The following MACO1 variants were observed in gnomAD, a reference collection of about 807,000 sequenced individuals.
MACO1 encodes the protein macoilin.
Under a neutral mutation model 78.7 loss-of-function variants are expected in MACO1, and 14 were observed. That is an observed-to-expected ratio of 0.18 (90% CI 0.12 to 0.28). The LOEUF is 0.28. MACO1 is among the 10% of genes least tolerant of loss of function. The pLI is 1.00. For missense variants in MACO1, 501 were observed against 799.0 expected (o/e 0.63, Z 4.50); for synonymous variants, 288 against 291.6 (o/e 0.99, Z 0.12).
chr1:25,450,054 A>C (rs2043051615), intron 3 of MACO1, among the ~76,000 whole-genome samples: 1 of 152,174 alleles, frequency 6.6e-6, no homozygotes, highest in South Asian at 2.1e-4. Flanking sequence ...AAATAAAAAA[A>C]ATATTAAGGG....
At chr1:25,437,136 CTTT>C (rs35287453) in intron 1 of MACO1, among the ~76,000 whole-genome samples, 26 of 136,584 alleles carry the variant, frequency 1.9e-4, no homozygotes, top group East Asian at 2.1e-4. Context: ...CTTCAAAACA[CTTT>C]TTTTTTTTTT....
chr1:25,494,341 A>G (rs1384601590), intron 10 of MACO1, among the ~76,000 whole-genome samples: 1 of 152,152 alleles, frequency 6.6e-6, no homozygotes, highest in Non-Finnish European at 1.5e-5. Flanking sequence ...GAATTTCAAG[A>G]GCAGAGAATG....
chr1:25,459,244 T>C (rs2043150590), intron 6 of MACO1, among the ~76,000 whole-genome samples: 1 of 151,578 alleles, frequency 6.6e-6, no homozygotes, highest in African/African-American at 2.4e-5. Context: ...AGTTTGTGCT[T>C]GTTCACGCAA....
chr1:25,441,432 G>T (rs1383447233), intron 1 of MACO1, among the ~76,000 whole-genome samples: 3 of 152,210 alleles, frequency 2.0e-5, no homozygotes, highest in Admixed American at 6.5e-5. Flanking sequence ...TCATCCACCC[G>T]CCTCAGCCTC....
Position 25,498,539 on chromosome 1 carries a change from G to A in MACO1, c.*73G>A. On this transcript the variant is annotated 3_prime_UTR_variant, in exon 11 of 11. Coordinates refer to ENST00000374343, the MANE Select transcript of MACO1 (RefSeq NM_018202.6). Reference sequence around the variant, plus strand: ...GCAAAGGAGCGTCTCTGGCAGTCAAGATAAAAAAACAGTTTCTATTGTATT... The same window carrying A: ...GCAAAGGAGCGTCTCTGGCAGTCAAAATAAAAAAACAGTTTCTATTGTATT... 2 of 1,381,352 alleles carry A rather than the reference G, an allele frequency of 1.4e-6. No homozygotes were observed. Among genetic ancestry groups the A allele is most frequent in the Non-Finnish European group, 2.0e-6 (2 of 1,012,542 alleles). The allele number at this position is 1,381,352 out of a possible 1,614,324, so 85.6% of individuals were successfully genotyped here.
intron 3 of MACO1, among the ~76,000 whole-genome samples, chr1:25,450,018 C>CA (rs2043051137): frequency 6.6e-6 from 1 of 152,122 alleles, no homozygotes; most frequent in Admixed American, 6.5e-5. Flanking sequence ...GACTCCATCT[C>CA]AAAAAACACA....
At chr1:25,474,375 C>G (rs890031591) in intron 6 of MACO1, among the ~76,000 whole-genome samples, 5 of 152,248 alleles carry the variant, frequency 3.3e-5, no homozygotes, top group Admixed American at 2.0e-4. Flanking sequence ...CTCTAGCCCT[C>G]TGGCCCCACC....
chr1:25,474,129 T>C (rs2043298947), intron 6 of MACO1, among the ~76,000 whole-genome samples: 1 of 152,148 alleles, frequency 6.6e-6, no homozygotes, highest in Non-Finnish European at 1.5e-5. Flanking sequence ...GCATAAACCC[T>C]TCCAAAGGGG....
chr1:25,481,564 T>G (rs920294044), intron 6 of MACO1, among the ~76,000 whole-genome samples: 1 of 152,330 alleles, frequency 6.6e-6, no homozygotes, highest in Middle Eastern at 3.4e-3. Context: ...GAAATCAGCT[T>G]CTGAAGAAAG....
In MACO1 at chr1:25,448,921, C is replaced by T. The variant is rs376605330; in HGVS notation, c.336C>T (p.Tyr112=). The change falls in exon 3 of 11, where the codon TAC becomes TAT. Residue 112 remains tyrosine (Y), a synonymous_variant. Coordinates refer to ENST00000374343, the MANE Select transcript of MACO1 (RefSeq NM_018202.6). ...FAASTYVWVQ[Y]VWHTERGVCL... is the part of the protein sequence containing the mutation. ...CTAGCACATATGTATGGGTTCAGTA[C>T]GTATGGCACACAGGTAAGTCTTAAT... 13 of 1,476,282 alleles carry T rather than the reference C, an allele frequency of 8.8e-6. No individual in the cohort carries two copies. The highest frequency in any genetic ancestry group is 2.3e-5 in the East Asian group (1 of 42,920). The allele number at this position is 1,476,282 out of a possible 1,614,324, so 91.4% of individuals were successfully genotyped here.
At chr1:25,495,560 G>C (rs1351025573) in intron 10 of MACO1, among the ~76,000 whole-genome samples, 2 of 152,136 alleles carry the variant, frequency 1.3e-5, no homozygotes, top group Non-Finnish European at 2.9e-5. Flanking sequence ...CCTCCCTACA[G>C]GGTTGTGCTC....
intron 5 of MACO1, among the ~76,000 whole-genome samples, chr1:25,457,878 T>C (rs989070805): frequency 2.0e-5 from 3 of 152,250 alleles, no homozygotes; most frequent in Non-Finnish European, 4.4e-5. Context: ...GACTTCCTTA[T>C]TACCTCAACA....
Position 25,430,971 on chromosome 1 carries a change from T to A in MACO1, c.-128T>A. On this transcript the variant is annotated 5_prime_UTR_variant, in exon 1 of 11. Transcript: ENST00000374343. ...CGTGCTACCCCCTCCCCCCGGGTGC[T>A]GGCTCCATGTCTGTGTGACCGGCCT... The A allele has an allele frequency of 3.7e-6, 1 of 271,388 alleles. No individual in the cohort carries two copies. The allele number at this position is 271,388 out of a possible 1,614,324, so 16.8% of individuals were successfully genotyped here.
intron 6 of MACO1, among the ~76,000 whole-genome samples, 174 bp from the exon 7 acceptor site, chr1:25,483,942 G>GAATC (rs1251549932): frequency 6.6e-6 from 1 of 152,162 alleles, no homozygotes; most frequent in Non-Finnish European, 1.5e-5. Context: ...GACCCAGGTG[G>GAATC]AATCATTCAA....
At chr1:25,442,041 G>A (rs2042977904) in intron 1 of MACO1, among the ~76,000 whole-genome samples, 1 of 152,200 alleles carries the variant, frequency 6.6e-6, no homozygotes, top group Non-Finnish European at 1.5e-5. Context: ...TTGATTGTAT[G>A]CGCAAGTAGC....
intron 6 of MACO1, among the ~76,000 whole-genome samples, chr1:25,464,737 A>C (rs1304102621): frequency 2.0e-5 from 3 of 149,594 alleles, no homozygotes; most frequent in Non-Finnish European, 4.4e-5. Context: ...GTTCACTGCA[A>C]CCTTCACCTC....
At chr1:25,440,785 A>AT (rs2042965349) in intron 1 of MACO1, among the ~76,000 whole-genome samples, 1 of 148,032 alleles carries the variant, frequency 6.8e-6, no homozygotes, top group Admixed American at 6.7e-5. Context: ...AAAAAAAAAA[A>AT]GAAAAGTAAC....
chr1:25,452,698 GT>G (rs1161208655), intron 3 of MACO1, among the ~76,000 whole-genome samples: 14,738 of 133,750 alleles, frequency 0.11, 2,042 homozygotes, highest in African/African-American at 0.38. Context: ...ACGGTGAATT[GT>G]TTTTTTTTTT....
chr1:25,437,151 T>C (rs1369509144), intron 1 of MACO1, among the ~76,000 whole-genome samples: 1 of 149,762 alleles, frequency 6.7e-6, no homozygotes, highest in African/African-American at 2.5e-5. Context: ...TTTTTTTTTT[T>C]TGAGACAGGG....
Sources: gnomAD v4.1 joint callset for allele counts (sites outside exome capture counted in the v4.1 genomes callset) on GRCh38, gnomAD v4.1.1 for gene constraint, MANE v1.5 for transcripts, NCBI Gene and HGNC (gene_info 2026-07-23, HGNC 2026-07-21) for gene names.